Variants in CALD1 observed in about 807,000 individuals in gnomAD.
CALD1 encodes caldesmon.
Under a neutral mutation model 99.9 loss-of-function variants are expected in CALD1, and 33 were observed. That is an observed-to-expected ratio of 0.33 (90% CI 0.25 to 0.44). CALD1 has a LOEUF of 0.44. Among genes scored for constraint, CALD1 ranks in the 20% least tolerant of loss-of-function variants. The pLI, the probability that CALD1 is intolerant of heterozygous loss-of-function variation, is 1.00. For missense variants in CALD1, 861 were observed against 962.1 expected, an observed-to-expected ratio of 0.89 and a Z score of 1.39; for synonymous variants, 310 against 325.0, an observed-to-expected ratio of 0.95 and a Z score of 0.50.
chr7:134,954,496 G>T (rs1291940426), intron 9 of CALD1, among the ~76,000 whole-genome samples: 1 of 152,150 alleles, frequency 6.6e-6, no homozygotes, highest in Non-Finnish European at 1.5e-5. Flanking sequence ...ACTAAGTTAG[G>T]ATATTTTCTA....
chr7:134,960,472 A>G, intron 12 of CALD1, 61 bp from the exon 13 acceptor site: 1 of 988,446 alleles, frequency 1.0e-6, no homozygotes, highest in Admixed American at 1.9e-5. Context: ...TGCTTTGAAA[A>G]TTCCTTCCCA....
chr7:134,804,411 T>G (rs533200873), intron 1 of CALD1, among the ~76,000 whole-genome samples: 20 of 152,332 alleles, frequency 1.3e-4, no homozygotes, highest in Admixed American at 1.3e-3. Flanking sequence ...AGGTAATTTG[T>G]CAATTATTTT....
intron 3 of CALD1, among the ~76,000 whole-genome samples, chr7:134,916,962 G>A (rs769268837): frequency 1.3e-5 from 2 of 152,152 alleles, no homozygotes; most frequent in South Asian, 2.1e-4. Flanking sequence ...CTTCAGATAC[G>A]AAAATAATGT....
Position 134,963,674 on chromosome 7 carries a change from G to T in CALD1, c.2296-1632G>T, listed in dbSNP as rs561797030. ...CTTATCCAAATGAAATTAATTAGGA[G>T]GTAGTAAATAAAGACTCTAAGCTGT... is the stretch of plus-strand genomic sequence containing the variant. On this transcript the variant is annotated intron_variant, in intron 13 of 14. Transcript: ENST00000361675. 2.0e-5 allele frequency among the ~76,000 whole-genome samples: 3 copies of T among 152,268 alleles called. No individual in the cohort carries two copies. The South Asian group carries it at 6.2e-4, about 32-fold the overall frequency.
intron 3 of CALD1, chr7:134,899,776 TA>T (rs1157675537): frequency 6.6e-6 from 1 of 152,476 alleles, no homozygotes; most frequent in Non-Finnish European, 1.5e-5. Flanking sequence ...CCTGAGTAGC[TA>T]GGACTACAGA....
intron 1 of CALD1, among the ~76,000 whole-genome samples, chr7:134,805,841 ACCTCTG>A (rs1206854492): frequency 6.6e-6 from 1 of 150,800 alleles, no homozygotes; most frequent in African/African-American, 2.4e-5. Flanking sequence ...GCTCACTGCA[ACCTCTG>A]CCTCTTGGGT....
intron 1 of CALD1, among the ~76,000 whole-genome samples, chr7:134,761,334 T>G (rs1796777013): frequency 6.6e-6 from 1 of 152,164 alleles, no homozygotes; most frequent in Non-Finnish European, 1.5e-5. Flanking sequence ...CACCAATTTC[T>G]TTGGAATGAC....
At chr7:134,804,666 G>A (rs926426225) in intron 1 of CALD1, among the ~76,000 whole-genome samples, 1 of 152,188 alleles carries the variant, frequency 6.6e-6, no homozygotes, top group Non-Finnish European at 1.5e-5. Context: ...GTCCAGGGAC[G>A]ACAACATTTC....
intron 1 of CALD1, among the ~76,000 whole-genome samples, chr7:134,790,693 TA>T (rs1253756802): frequency 1.3e-5 from 2 of 152,222 alleles, no homozygotes; most frequent in South Asian, 4.2e-4. Flanking sequence ...TAAATTAAAT[TA>T]AAAAAAGAAA....
chr7:134,930,211 C>A (rs1805425308), intron 4 of CALD1, among the ~76,000 whole-genome samples: 1 of 152,038 alleles, frequency 6.6e-6, no homozygotes, highest in Non-Finnish European at 1.5e-5. Context: ...CTTGAGAATG[C>A]CTAATAGGTT....
At chr7:134,760,790 TAAAACAAAAC>T (rs1163890087) in intron 1 of CALD1, among the ~76,000 whole-genome samples, 2 of 152,176 alleles carry the variant, frequency 1.3e-5, no homozygotes, top group Admixed American at 1.3e-4. Context: ...ATAAAAATAA[TAAAACAAAAC>T]GAAACAAAAG....
intron 1 of CALD1, among the ~76,000 whole-genome samples, chr7:134,786,602 T>A (rs1337622271): frequency 6.6e-6 from 1 of 152,204 alleles, no homozygotes; most frequent in Non-Finnish European, 1.5e-5. Context: ...CTCTATTTTT[T>A]TTTCATTCGT....
At chr7:134,801,793 A>AT (rs869146865) in intron 1 of CALD1, among the ~76,000 whole-genome samples, 2 of 72,818 alleles carry the variant, frequency 2.7e-5, no homozygotes, top group Non-Finnish European at 6.1e-5. Context: ...AAATTCGTGT[A>AT]TTTTTTTAAA....
the CALD1 span, among the ~76,000 whole-genome samples, chr7:134,734,072 CA>C: frequency 3.9e-5 from 6 of 151,988 alleles, no homozygotes; most frequent in African/African-American, 1.4e-4. Context: ...CAGAGCCTTA[CA>C]GAGGTGAAGC....
At chr7:134,733,380 T>C in the CALD1 span, among the ~76,000 whole-genome samples, 1 of 152,126 alleles carries the variant, frequency 6.6e-6, no homozygotes, top group South Asian at 2.1e-4. Flanking sequence ...ATGGGAAAAA[T>C]GTCTTTCTAG....
At chr7:134,824,127 A>G (rs1173384867) in intron 1 of CALD1, among the ~76,000 whole-genome samples, 1 of 152,164 alleles carries the variant, frequency 6.6e-6, no homozygotes, top group African/African-American at 2.4e-5. Context: ...AATTTTTCAC[A>G]GTCTTGAACT....
chr7:134,774,703 G>A (rs775344308), upstream of CALD1, among the ~76,000 whole-genome samples: 11 of 152,108 alleles, frequency 7.2e-5, no homozygotes, highest in East Asian at 1.9e-4. Context: ...TTGAATCAGC[G>A]TCCTTCTTGC....
chr7:134,824,841 C>T lies in CALD1; in HGVS notation c.-129-19043C>T, dbSNP rs181230394. On this transcript the variant is annotated intron_variant, in intron 1 of 14. Coordinates refer to ENST00000361675, the MANE Select transcript of CALD1 (RefSeq NM_033138.4). ...AGAATATTTGACACCCATTATATTACGCTGTTAAAGAATATTAGAACTAGA... is the reference window on the plus strand; with the variant it reads ...AGAATATTTGACACCCATTATATTATGCTGTTAAAGAATATTAGAACTAGA... Among the ~76,000 whole-genome samples the T allele has an allele frequency of 1.2e-4, 19 of 152,180 alleles. 1 individual carries two copies. Among genetic ancestry groups the T allele is most frequent in the Admixed American group, 5.2e-4 (8 of 15,272 alleles).
At chr7:134,726,500 G>T in the CALD1 span, among the ~76,000 whole-genome samples, 79,082 of 133,904 alleles carry the variant, frequency 0.59, 26,143 homozygotes, top group East Asian at 0.91. Context: ...TATAGCTTTA[G>T]ATATATAATA....
Sources: gnomAD v4.1 joint callset for allele counts (sites outside exome capture counted in the v4.1 genomes callset) on GRCh38, gnomAD v4.1.1 for gene constraint, MANE v1.5 for transcripts, NCBI Gene and HGNC (gene_info 2026-07-23, HGNC 2026-07-21) for gene names.